COG7: variants seen among roughly 807,000 people sequenced by gnomAD.
The protein encoded by COG7 is component of oligomeric golgi complex 7, also known as conserved oligomeric Golgi complex subunit 7.
COG7 carries 49 observed loss-of-function variants against 91.5 expected under a neutral mutation model. The ratio of observed to expected loss-of-function variants is 0.54; its 90% CI spans 0.43 to 0.68. The LOEUF (loss-of-function observed/expected upper bound fraction) is 0.68, where lower values mean the gene tolerates loss of function less well. Among genes scored for constraint, COG7 ranks in the 30% least tolerant of loss-of-function variants. The pLI, the probability that COG7 is intolerant of heterozygous loss-of-function variation, is 0.00. For missense variants in COG7, 895 were observed against 961.3 expected, an observed-to-expected ratio of 0.93 and a Z score of 0.91; for synonymous variants, 365 against 388.7, an observed-to-expected ratio of 0.94 and a Z score of 0.72.
At chr16:23,440,001 G>C (rs1485259541) in intron 4 of COG7, among the ~76,000 whole-genome samples, 1 of 151,286 alleles carries the variant, frequency 6.6e-6, no homozygotes, top group Non-Finnish European at 1.5e-5. Context: ...CAGGACCTAA[G>C]GCTTCAGGAG....
At chr16:23,431,111 G>T (rs1459635277) in intron 6 of COG7, among the ~76,000 whole-genome samples, 1 of 152,134 alleles carries the variant, frequency 6.6e-6, no homozygotes, top group Non-Finnish European at 1.5e-5. Flanking sequence ...CTGCAATAAA[G>T]CAAATAGAGC....
At chr16:23,418,449 G>A in intron 8 of COG7, among the ~76,000 whole-genome samples, 1 of 152,170 alleles carries the variant, frequency 6.6e-6, no homozygotes, top group Admixed American at 6.5e-5. Flanking sequence ...AGGCTGCAGT[G>A]AGTTGTAATC....
rs1257707748 is a variant in COG7 at position 23,453,020 on chromosome 16, C to G, written c.-26G>C. ...GGCGGAACTGCCTCAGGCCTGGCGT[C>G]CAGAACTTAAGAGTTGGCTCCGGGC... On this transcript the variant is annotated 5_prime_UTR_variant, in exon 1 of 17. Coordinates refer to ENST00000307149, the MANE Select transcript of COG7 (RefSeq NM_153603.4). The G allele has an allele frequency of 6.2e-7, 1 of 1,613,634 alleles. No individual in the cohort carries two copies. Among genetic ancestry groups the G allele is most frequent in the African/African-American group, 1.3e-5 (1 of 74,934 alleles).
At chr16:23,435,667 T>C (rs1358347496) in intron 4 of COG7, among the ~76,000 whole-genome samples, 1 of 151,546 alleles carries the variant, frequency 6.6e-6, no homozygotes, top group African/African-American at 2.4e-5. Context: ...TAGAACTATA[T>C]CAAAAGAAGG....
rs1444115658 is a variant in COG7 at position 23,398,113 on chromosome 16, C to G, written c.1820G>C (p.Gly607Ala). The G allele has an allele frequency of 1.2e-5, 19 of 1,613,988 alleles. No homozygotes were observed. Among genetic ancestry groups the G allele is most frequent in the Non-Finnish European group, 1.6e-5 (19 of 1,179,980 alleles). ...ISKMDSWNTA[G>A]IGETLTDELP... ...TTCATCTGTGAGGGTTTCTCCGATG[C>G]CAGCCGTATTCCAGCTCTAAGGGTG... The change falls in exon 14 of 17, where the codon GGC (glycine) becomes GCC (alanine). Residue 607 changes from glycine (G) to alanine (A), a missense_variant. Physicochemically the swap from Gly to Ala is moderately conservative, Grantham distance 60 (BLOSUM62 0). Transcript: ENST00000307149.
rs138663393 is a variant in COG7 at position 23,389,411 on chromosome 16, GCACA to G, written c.2147-329_2147-326del. The stretch of plus-strand genomic sequence containing the variant: ...CTCACATCCAAACTCACACAAACTC[GCACA>G]CACACTCACATGTACACACACTCAC... On this transcript the variant is annotated intron_variant, in intron 16 of 16. Transcript: ENST00000307149. Among the ~76,000 whole-genome samples the G allele has an allele frequency of 1.7e-3, 252 of 149,650 alleles. 5 individuals carry two copies. The East Asian group carries it at 0.045, about 27-fold the overall frequency.
chr16:23,393,284 C>T lies in COG7; in HGVS notation c.1951G>A (p.Ala651Thr). The change falls in exon 15 of 17, where the codon GCC becomes ACC. Residue 651 changes from alanine to threonine, a missense_variant. Transcript: ENST00000307149. ...LEPFVTQEDS[A>T]LELALHAGKL... ...CCAGCGTGCAATGCCAACTCTAAGG[C>T]AGAGTCCTCCTGAGTCACAAATGGC... The T allele has an allele frequency of 2.5e-6, 4 of 1,614,174 alleles. No individual in the cohort carries two copies. Among genetic ancestry groups the T allele is most frequent in the Non-Finnish European group, 1.7e-6 (2 of 1,180,046 alleles).
intron 14 of COG7, chr16:23,393,600 C>T (rs1049978788): frequency 1.9e-6 from 1 of 513,532 alleles, no homozygotes; most frequent in African/African-American, 1.9e-5. Flanking sequence ...GCATTCAACA[C>T]AATCTCTATC....
chr16:23,405,531 T>C (rs1477456060), intron 12 of COG7, among the ~76,000 whole-genome samples: 1 of 151,434 alleles, frequency 6.6e-6, no homozygotes, highest in Non-Finnish European at 1.5e-5. Context: ...TTTTTTTTTT[T>C]TTTGAGATGG....
At chr16:23,423,410 T>C (rs974143379) in intron 7 of COG7, among the ~76,000 whole-genome samples, 1 of 152,190 alleles carries the variant, frequency 6.6e-6, no homozygotes, top group Non-Finnish European at 1.5e-5. Flanking sequence ...AGGGTGGTTC[T>C]CTTCCCCACT....
At chr16:23,450,875 C>G (rs574667302) in intron 1 of COG7, among the ~76,000 whole-genome samples, 1 of 151,864 alleles carries the variant, frequency 6.6e-6, no homozygotes, top group African/African-American at 2.4e-5. Flanking sequence ...TGAAATAGAG[C>G]CCCCTCCCTA....
intron 14 of COG7, among the ~76,000 whole-genome samples, chr16:23,395,212 C>T (rs538320469): frequency 6.6e-6 from 1 of 152,258 alleles, no homozygotes; most frequent in African/African-American, 2.4e-5. Context: ...GGCCACTTAC[C>T]TCACTAATAA....
chr16:23,434,773 A>G, intron 4 of COG7, 55 bp from the exon 5 acceptor site: 1 of 1,249,202 alleles, frequency 8.0e-7, no homozygotes, highest in Non-Finnish European at 1.2e-6. Flanking sequence ...TGTAGACATG[A>G]GAAAAAACTC....
intron 12 of COG7, among the ~76,000 whole-genome samples, chr16:23,404,097 T>C (rs1015106794): frequency 7.2e-5 from 11 of 152,216 alleles, no homozygotes; most frequent in African/African-American, 2.4e-4. Flanking sequence ...GTGATTCTGA[T>C]GCACTTGGGC....
chr16:23,444,778 T>C (rs1307994271), intron 3 of COG7, among the ~76,000 whole-genome samples: 1 of 152,084 alleles, frequency 6.6e-6, no homozygotes, highest in East Asian at 1.9e-4. Flanking sequence ...AGAGCTGGGA[T>C]TTCAGGTATG....
At chr16:23,439,225 A>C (rs1964060509) in intron 4 of COG7, among the ~76,000 whole-genome samples, 1 of 148,676 alleles carries the variant, frequency 6.7e-6, no homozygotes, top group Non-Finnish European at 1.5e-5. Flanking sequence ...AGATCCCTAA[A>C]GGAATTGAAA....
chr16:23,438,203 T>C (rs1964043003), intron 4 of COG7, among the ~76,000 whole-genome samples: 1 of 151,710 alleles, frequency 6.6e-6, no homozygotes, highest in African/African-American at 2.4e-5. Context: ...AAAAGAATAA[T>C]ATCCAGAATA....
chr16:23,400,623 A>G (rs1190074025), intron 13 of COG7, among the ~76,000 whole-genome samples: 1 of 152,176 alleles, frequency 6.6e-6, no homozygotes, highest in Non-Finnish European at 1.5e-5. Context: ...GGAGTGGGAA[A>G]GAAGTTTGGA....
chr16:23,446,043 A>G, intron 1 of COG7, 82 bp from the exon 2 acceptor site: 3 of 1,491,026 alleles, frequency 2.0e-6, no homozygotes, highest in Non-Finnish European at 2.7e-6. Context: ...CCAGTAAAAT[A>G]CAGGAAACAA....
Sources: allele counts gnomAD v4.1 joint callset (sites outside exome capture counted in the v4.1 genomes callset), GRCh38; gene constraint gnomAD v4.1.1; transcripts MANE v1.5; gene names NCBI Gene and HGNC (gene_info 2026-07-23, HGNC 2026-07-21).